The following SAMD11 variants were observed in gnomAD, a reference collection of about 807,000 sequenced individuals.
The protein encoded by SAMD11 is sterile alpha motif domain-containing protein 11.
A neutral mutation model predicts 64.4 loss-of-function variants in SAMD11; 77 were observed. That is an observed-to-expected ratio of 1.20 (90% CI 0.99 to 1.44). SAMD11 has a LOEUF of 1.44. Among genes scored for constraint, SAMD11 ranks in the 40% most tolerant of loss-of-function variants. The pLI, the probability that SAMD11 is intolerant of heterozygous loss-of-function variation, is 0.00. For synonymous variants in SAMD11, 658 were observed against 421.9 expected (o/e 1.56, Z -6.86); for missense variants, 1,402 against 943.3 (o/e 1.49, Z -6.37).
At position 942,172 on chromosome 1, in the gene SAMD11, G is replaced by T; in HGVS notation, c.1395G>T (p.Gln465His). The change falls in exon 9 of 14, where the codon CAG becomes CAT. Residue 465 changes from glutamine (Q) to histidine (H), a missense_variant. By Grantham distance (24) the Gln-to-His change is conservative. Transcript: ENST00000616016. Reference sequence around the variant, plus strand: ...AGCCGCCCCCCTTGCTGTCGCCGCAGAATGCCCCTCACGTCGCCCTGGGCC... The same window carrying T: ...AGCCGCCCCCCTTGCTGTCGCCGCATAATGCCCCTCACGTCGCCCTGGGCC... ...LPQPPPLLSPQNAPHVALGPH... is the reference protein window; with the variant it reads ...LPQPPPLLSPHNAPHVALGPH... 6.9e-7 allele frequency: 1 copy of T among 1,439,348 alleles called. No homozygotes were observed. The highest frequency in any genetic ancestry group is 9.2e-7 in the Non-Finnish European group (1 of 1,091,424). The allele number at this position is 1,439,348 out of a possible 1,614,324, so 89.2% of individuals were successfully genotyped here. A position where few individuals can be genotyped will look rare whatever the true frequency, so the allele number is the denominator to read the frequency against.
chr1:931,131 C>CTCCT, intron 4 of SAMD11, 42 bp downstream of exon 4: 3 of 1,358,080 alleles, frequency 2.2e-6, no homozygotes, highest in Non-Finnish European at 3.1e-6. Flanking sequence ...GGCCGTGACT[C>CTCCT]CCCTCCCTCC....
chr1:940,977 G>A (rs1267460499), intron 7 of SAMD11, 167 bp from the exon 8 acceptor site: 13 of 547,012 alleles, frequency 2.4e-5, no homozygotes, highest in Non-Finnish European at 2.2e-5. Context: ...TGCCGTCTCG[G>A]CCCTGTGGCC....
intron 2 of SAMD11, 25 bp downstream of exon 2, chr1:926,038 C>A: frequency 6.2e-7 from 1 of 1,602,552 alleles, no homozygotes; most frequent in Non-Finnish European, 8.5e-7. Flanking sequence ...TCGGTTGGGG[C>A]TGGGAGTTAC....
intron 9 of SAMD11, 28 bp from the exon 10 acceptor site, chr1:942,382 G>T: frequency 1.5e-6 from 1 of 677,392 alleles, no homozygotes; most frequent in Non-Finnish European, 2.3e-6. Flanking sequence ...CGGACCCCCC[G>T]ACCCCGCGTT....
chr1:939,605 G>A, intron 7 of SAMD11, 193 bp downstream of exon 7: 1 of 970,482 alleles, frequency 1.0e-6, no homozygotes, highest in South Asian at 1.7e-5. Context: ...TGCCCCCTGG[G>A]GCGGGCCACA....
At chr1:929,477 C>T (rs1045439017) in intron 2 of SAMD11, among the ~76,000 whole-genome samples, 3 of 152,210 alleles carry the variant, frequency 2.0e-5, no homozygotes, top group African/African-American at 7.2e-5. Flanking sequence ...GGCCTTGCAC[C>T]AGGCTGCAGC....
Position 942,157 on chromosome 1 carries a change from C to G in SAMD11, c.1380C>G (p.Pro460=). ...ACAGGGAGCTGCCTCAGCCGCCCCC[C>G]TTGCTGTCGCCGCAGAATGCCCCTC... is the stretch of plus-strand genomic sequence containing the variant. ...FSERELPQPP[P]LLSPQNAPHV... is the part of the protein sequence containing the mutation. The change falls in exon 9 of 14, where the codon CCC becomes CCG. Residue 460 remains proline, a synonymous_variant. Coordinates refer to ENST00000616016, the MANE Select transcript of SAMD11 (RefSeq NM_001385641.1). 2 of 1,408,746 alleles carry G rather than the reference C, an allele frequency of 1.4e-6. No homozygotes were observed. Among genetic ancestry groups the G allele is most frequent in the Non-Finnish European group, 1.9e-6 (2 of 1,063,242 alleles). 87.3% of individuals were successfully genotyped at this position (1,408,746 alleles called of 1,614,324 possible).
Position 944,340 on chromosome 1 carries a change from T to G in SAMD11, c.*187T>G. 7.3e-7 allele frequency: 1 copy of G among 1,378,524 alleles called. No homozygotes were observed. The highest frequency in any genetic ancestry group is 9.3e-7 in the Non-Finnish European group (1 of 1,073,784). The allele number at this position is 1,378,524 out of a possible 1,614,324, so 85.4% of individuals were successfully genotyped here. A position where few individuals can be genotyped will look rare whatever the true frequency, so the allele number is the denominator to read the frequency against. ...TTGGGGGAGTGAAGGCAGAGCCTGG[T>G]GCAGATGGACGAGGTCTGCAGACGG... On this transcript the variant is annotated 3_prime_UTR_variant, in exon 14 of 14. Coordinates refer to ENST00000616016, the MANE Select transcript of SAMD11 (RefSeq NM_001385641.1).
intron 2 of SAMD11, among the ~76,000 whole-genome samples, chr1:929,568 TGTG>T (rs1410748172): frequency 1.3e-5 from 2 of 151,850 alleles, no homozygotes; most frequent in Non-Finnish European, 2.9e-5. Flanking sequence ...GGTGGCAGGG[TGTG>T]GTGGGCAGAA....
rs759198320 is a variant in SAMD11 at position 944,100 on chromosome 1, G to A, written c.2482G>A (p.Gly828Arg). 14 of 1,611,398 alleles carry A rather than the reference G, an allele frequency of 8.7e-6. No homozygotes were observed. Among genetic ancestry groups the A allele is most frequent in the South Asian group, 3.3e-5 (3 of 91,002 alleles). Reference protein sequence around the residue: ...AGQTSPKQENGTLALLPGAPD... With the variant: ...AGQTSPKQENRTLALLPGAPD... ...TCAAACTTCACCCAAGCAGGAGAATGGGACCTTGGCTCTACTTCCAGGGGC... is the reference window on the plus strand; with the variant it reads ...TCAAACTTCACCCAAGCAGGAGAATAGGACCTTGGCTCTACTTCCAGGGGC... Residue 828 changes from glycine to arginine, a missense_variant, in exon 14 of 14, where the codon GGG becomes AGG. By Grantham distance (125) the Gly-to-Arg change is moderately radical (BLOSUM62 -2). Coordinates refer to ENST00000616016, the MANE Select transcript of SAMD11 (RefSeq NM_001385641.1).
chr1:942,083 C>T (rs1641807234), intron 8 of SAMD11, 53 bp from the exon 9 acceptor site: 1 of 543,064 alleles, frequency 1.8e-6, no homozygotes, highest in Non-Finnish European at 3.1e-6. Flanking sequence ...GCGCCGGGGC[C>T]TTTACGGGAA....
At chr1:935,927 T>A in intron 5 of SAMD11, 31 bp downstream of exon 5, 2 of 1,604,506 alleles carry the variant, frequency 1.2e-6, no homozygotes, top group African/African-American at 2.7e-5. Context: ...GAGGGCGGGG[T>A]CGGGGCTGTG....
chr1:938,889 CTGGG>C lies in SAMD11; in HGVS notation c.968-150_968-147del, dbSNP rs1641599999. The C allele has an allele frequency of 4.5e-5, 32 of 704,796 alleles. No individual in the cohort carries two copies. The Middle Eastern group carries it at 9.4e-4, about 21-fold the overall frequency. 43.7% of individuals were successfully genotyped at this position (704,796 alleles called of 1,614,324 possible). A position where few individuals can be genotyped will look rare whatever the true frequency, so the allele number is the denominator to read the frequency against. ...GGCGTGATGTCCTCTGCGCTGAAGG[CTGGG>C]GCTGCCAGGGCTGGGCAAGGCCTGT... On this transcript the variant is annotated intron_variant, in intron 5 of 13. Coordinates refer to ENST00000616016, the MANE Select transcript of SAMD11 (RefSeq NM_001385641.1).
At position 935,943 on chromosome 1, in the gene SAMD11, A is replaced by G. The variant is rs374809284; in HGVS notation, c.967+47A>G. On this transcript the variant is annotated intron_variant, in intron 5 of 13. Coordinates refer to ENST00000616016, the MANE Select transcript of SAMD11 (RefSeq NM_001385641.1). Reference sequence around the variant, plus strand: ...AGGGCGGGGTCGGGGCTGTGGGGCCAGAGGACGGTGGCGTCTCCACTCAGC... The same window carrying G: ...AGGGCGGGGTCGGGGCTGTGGGGCCGGAGGACGGTGGCGTCTCCACTCAGC... 59 of 1,590,468 alleles carry G rather than the reference A, an allele frequency of 3.7e-5. No individual in the cohort carries two copies. In the African/African-American group the frequency reaches 7.1e-4, roughly 19 times the overall value.
At chr1:927,449 C>A (rs545076985) in intron 2 of SAMD11, among the ~76,000 whole-genome samples, 7 of 152,328 alleles carry the variant, frequency 4.6e-5, no homozygotes, top group East Asian at 3.9e-4. Flanking sequence ...GATGCCCCCC[C>A]ACCTGGGGCT....
At position 940,296 on chromosome 1, in the gene SAMD11, G is replaced by GCCCTC. The variant is rs1641677537; in HGVS notation, c.1196-845_1196-844insTCCCC. The GCCCTC allele has an allele frequency of 2.3e-5, 3 of 131,490 alleles. 1 individual carries two copies. Among genetic ancestry groups the GCCCTC allele is most frequent in the South Asian group, 4.9e-4 (2 of 4,072 alleles). 8.1% of individuals were successfully genotyped at this position (131,490 alleles called of 1,614,324 possible). On this transcript the variant is annotated intron_variant, in intron 7 of 13. Coordinates refer to ENST00000616016, the MANE Select transcript of SAMD11 (RefSeq NM_001385641.1). ...GCGCTGTCAATCAGGCCGCGCCGCC[G>GCCCTC]CCCCCCCCCCCCGCCCCGCCGCGGA...
intron 8 of SAMD11, 149 bp downstream of exon 8, chr1:941,455 A>G (rs894041503): frequency 6.1e-6 from 5 of 818,890 alleles, no homozygotes; most frequent in Admixed American, 6.0e-5. Flanking sequence ...GGTGACACCG[A>G]TCTGGGCTGC....
At chr1:936,845 T>C (rs998113490) in intron 5 of SAMD11, among the ~76,000 whole-genome samples, 1 of 151,822 alleles carries the variant, frequency 6.6e-6, no homozygotes, top group Non-Finnish European at 1.5e-5. Context: ...GCCCCATCGA[T>C]CCAGCAGAGC....
chr1:944,115 C>T lies in SAMD11; in HGVS notation c.2497C>T (p.Leu833Phe), dbSNP rs777616398. The T allele has an allele frequency of 2.5e-6, 4 of 1,603,464 alleles. No homozygotes were observed. Among genetic ancestry groups the T allele is most frequent in the Admixed American group, 3.4e-5 (2 of 59,200 alleles). ...GCAGGAGAATGGGACCTTGGCTCTACTTCCAGGGGCCCCCGACCCTTCCCA... is the reference window on the plus strand; with the variant it reads ...GCAGGAGAATGGGACCTTGGCTCTATTTCCAGGGGCCCCCGACCCTTCCCA... ...PKQENGTLAL[L>F]PGAPDPSQPL... Residue 833 changes from leucine to phenylalanine, a missense_variant, in exon 14 of 14, where the codon CTT becomes TTT. Coordinates refer to ENST00000616016, the MANE Select transcript of SAMD11 (RefSeq NM_001385641.1).
Sources: allele counts gnomAD v4.1 joint callset (sites outside exome capture counted in the v4.1 genomes callset), GRCh38; gene constraint gnomAD v4.1.1; transcripts MANE v1.5; gene names NCBI Gene and HGNC (gene_info 2026-07-23, HGNC 2026-07-21).